The following RUNDC3B variants were observed in gnomAD, a reference collection of about 807,000 sequenced individuals.
RUNDC3B encodes RUN domain-containing protein 3B.
Under a neutral mutation model 58.4 loss-of-function variants are expected in RUNDC3B, and 33 were observed. That is an observed-to-expected ratio of 0.56 (90% CI 0.43 to 0.75). The LOEUF (loss-of-function observed/expected upper bound fraction) is 0.75. RUNDC3B is among the 30% of genes least tolerant of loss of function. The pLI, the probability that RUNDC3B is intolerant of heterozygous loss-of-function variation, is 0.00. For missense variants in RUNDC3B, 501 were observed against 535.7 expected (o/e 0.94, Z 0.64); for synonymous variants, 193 against 195.2 (o/e 0.99, Z 0.10).
chr7:87,629,399 T>G, intron 1 of RUNDC3B: 1 of 153,998 alleles, frequency 6.5e-6, no homozygotes, highest in Non-Finnish European at 1.4e-5. Flanking sequence ...CCATTTCATT[T>G]CACACGTTAG....
chr7:87,688,578 G>T (rs1466141646), intron 2 of RUNDC3B, among the ~76,000 whole-genome samples: 1 of 151,710 alleles, frequency 6.6e-6, no homozygotes, highest in Non-Finnish European at 1.5e-5. Flanking sequence ...ATTTTGATCA[G>T]TAGTGACCTT....
intron 2 of RUNDC3B, among the ~76,000 whole-genome samples, chr7:87,666,585 T>C (rs1206152321): frequency 6.6e-6 from 1 of 152,180 alleles, no homozygotes. Context: ...CAGGATGGTA[T>C]TTCCTATGTA....
At chr7:87,774,468 T>G (rs1165010367) in intron 7 of RUNDC3B, among the ~76,000 whole-genome samples, 1 of 152,020 alleles carries the variant, frequency 6.6e-6, no homozygotes, top group Non-Finnish European at 1.5e-5. Context: ...ATGAAATAAA[T>G]TCTAGCAAGA....
In RUNDC3B at chr7:87,770,588, A is replaced by G; in HGVS notation, c.637A>G (p.Ser213Gly). 2 of 1,612,484 alleles carry G rather than the reference A, an allele frequency of 1.2e-6. No homozygotes were observed. The highest frequency in any genetic ancestry group is 1.7e-6 in the Non-Finnish European group (2 of 1,179,032). ...AAATTTTGATCTTCCCAGTTCTGATAGTATCAGCAGTGATGAGGAGGAGCT... is the reference window on the plus strand; with the variant it reads ...AAATTTTGATCTTCCCAGTTCTGATGGTATCAGCAGTGATGAGGAGGAGCT... ...PYLKYIQSSD[S>G]ISSDEEELRT... The change falls in exon 7 of 11, where the codon AGT becomes GGT. Residue 213 changes from serine (S) to glycine (G), a missense_variant. Ser to Gly is a moderately conservative substitution (Grantham distance 56, BLOSUM62 0). Coordinates refer to ENST00000394654, the MANE Select transcript of RUNDC3B (RefSeq NM_001134405.2).
chr7:87,742,613 T>C (rs1291672632), intron 6 of RUNDC3B, among the ~76,000 whole-genome samples: 1 of 151,918 alleles, frequency 6.6e-6, no homozygotes, highest in Non-Finnish European at 1.5e-5. Context: ...GATAGATAGA[T>C]AGATAGATAT....
intron 6 of RUNDC3B, among the ~76,000 whole-genome samples, chr7:87,758,861 C>T (rs1584125382): frequency 6.6e-6 from 1 of 152,094 alleles, no homozygotes; most frequent in Non-Finnish European, 1.5e-5. Flanking sequence ...GAAAGGGGAA[C>T]CCTTTTACAC....
intron 3 of RUNDC3B, among the ~76,000 whole-genome samples, chr7:87,702,472 A>C (rs1482359813): frequency 6.6e-6 from 1 of 151,796 alleles, no homozygotes; most frequent in African/African-American, 2.4e-5. Context: ...TAGAGATAAT[A>C]TCTCTCTTTG....
At chr7:87,635,470 T>C (rs1223865811) in intron 1 of RUNDC3B, among the ~76,000 whole-genome samples, 1 of 152,238 alleles carries the variant, frequency 6.6e-6, no homozygotes, top group Admixed American at 6.5e-5. Flanking sequence ...GACACTAATG[T>C]ATAACTGACA....
intron 2 of RUNDC3B, among the ~76,000 whole-genome samples, chr7:87,675,116 G>T (rs1190760417): frequency 6.6e-6 from 1 of 152,186 alleles, no homozygotes; most frequent in African/African-American, 2.4e-5. Context: ...TGTTCAACTT[G>T]CCTTTTCCCC....
intron 3 of RUNDC3B, among the ~76,000 whole-genome samples, chr7:87,702,322 A>T (rs570020695): frequency 6.6e-6 from 1 of 151,648 alleles, no homozygotes. Context: ...TCTGTTGCCC[A>T]GGTTGGAGTA....
At chr7:87,774,207 T>A (rs965632913) in intron 7 of RUNDC3B, among the ~76,000 whole-genome samples, 1 of 152,086 alleles carries the variant, frequency 6.6e-6, no homozygotes, top group African/African-American at 2.4e-5. Context: ...AATAGAATAC[T>A]TTAAAATGAA....
intron 6 of RUNDC3B, among the ~76,000 whole-genome samples, chr7:87,769,293 G>A (rs930362065): frequency 6.6e-6 from 1 of 152,044 alleles, no homozygotes; most frequent in Non-Finnish European, 1.5e-5. Flanking sequence ...TTACAGGAAT[G>A]AGCTAATATG....
At chr7:87,688,957 T>G (rs1427532723) in intron 2 of RUNDC3B, among the ~76,000 whole-genome samples, 1 of 152,012 alleles carries the variant, frequency 6.6e-6, no homozygotes, top group Non-Finnish European at 1.5e-5. Context: ...CCAATTTAAA[T>G]ATTTACTTAT....
At chr7:87,778,669 A>C (rs539660571) in intron 8 of RUNDC3B, among the ~76,000 whole-genome samples, 32 of 152,310 alleles carry the variant, frequency 2.1e-4, no homozygotes, top group Middle Eastern at 6.8e-3. Context: ...AGGTTGTACC[A>C]GAATGTCACT....
intron 2 of RUNDC3B, among the ~76,000 whole-genome samples, chr7:87,661,121 A>T: frequency 6.6e-6 from 1 of 151,936 alleles, no homozygotes; most frequent in Non-Finnish European, 1.5e-5. Flanking sequence ...CATTTTTAAA[A>T]TTTTTAATTT....
At chr7:87,765,868 A>G (rs969939556) in intron 6 of RUNDC3B, among the ~76,000 whole-genome samples, 19 of 151,938 alleles carry the variant, frequency 1.3e-4, no homozygotes, top group African/African-American at 4.6e-4. Flanking sequence ...TGCCTCAGTA[A>G]TCTGTCTAGT....
chr7:87,715,497 T>TTA (rs1022907841), intron 4 of RUNDC3B, among the ~76,000 whole-genome samples: 1 of 135,092 alleles, frequency 7.4e-6, no homozygotes, highest in African/African-American at 2.8e-5. Flanking sequence ...ATACATATAA[T>TTA]TATATTATAT....
chr7:87,812,288 A>G (rs1464858440), intron 9 of RUNDC3B, among the ~76,000 whole-genome samples: 1 of 152,202 alleles, frequency 6.6e-6, no homozygotes. Context: ...TGCCCATGAC[A>G]TAATTCCTAC....
chr7:87,676,883 A>G, intron 2 of RUNDC3B, among the ~76,000 whole-genome samples: 1 of 152,164 alleles, frequency 6.6e-6, no homozygotes, highest in East Asian at 1.9e-4. Context: ...ACTCGATATC[A>G]CTACTCATCA....
Sources: allele counts gnomAD v4.1 joint callset (sites outside exome capture counted in the v4.1 genomes callset), GRCh38; gene constraint gnomAD v4.1.1; transcripts MANE v1.5; gene names NCBI Gene and HGNC (gene_info 2026-07-23, HGNC 2026-07-21).